The following CTNNAL1 variants were observed in gnomAD, a reference collection of about 807,000 sequenced individuals.
CTNNAL1 encodes alpha-catulin.
A neutral mutation model predicts 93.6 loss-of-function variants in CTNNAL1; 69 were observed. The ratio of observed to expected loss-of-function variants is 0.74; its 90% CI spans 0.61 to 0.90. CTNNAL1 has a LOEUF of 0.90. CTNNAL1 is among the 40% of genes least tolerant of loss of function. The probability of loss-of-function intolerance (pLI) is 0.00; values close to 1 mark genes in which losing one functional copy is unlikely to be tolerated. For synonymous variants in CTNNAL1, 286 were observed against 305.4 expected (o/e 0.94, Z 0.66); for missense variants, 836 against 862.0 (o/e 0.97, Z 0.38).
In CTNNAL1 at chr9:108,942,592, C is replaced by T. The variant is rs1830273082; in HGVS notation, c.*177G>A. On this transcript the variant is annotated 3_prime_UTR_variant, in exon 19 of 19. Coordinates refer to ENST00000325551, the MANE Select transcript of CTNNAL1 (RefSeq NM_003798.4). ...AATTAGAATCTAGCAATTACCAAGA[C>T]ATTTATTAGTTGTCAAAAAGCTTTA... The T allele has an allele frequency of 1.7e-6, 1 of 573,474 alleles. No homozygotes were observed. The highest frequency in any genetic ancestry group is 3.1e-6 in the Non-Finnish European group (1 of 326,108). 35.5% of individuals were successfully genotyped at this position (573,474 alleles called of 1,614,324 possible). A position where few individuals can be genotyped will look rare whatever the true frequency, so the allele number is the denominator to read the frequency against.
At chr9:108,971,315 A>G (rs140545535) in intron 9 of CTNNAL1, among the ~76,000 whole-genome samples, 98 of 152,320 alleles carry the variant, frequency 6.4e-4, no homozygotes, top group African/African-American at 2.2e-3. Flanking sequence ...TAGATGGTTC[A>G]TATCTGTGCA....
At chr9:108,945,164 C>A (rs531555254) in intron 15 of CTNNAL1, among the ~76,000 whole-genome samples, 1 of 152,304 alleles carries the variant, frequency 6.6e-6, no homozygotes, top group South Asian at 2.1e-4. Context: ...ATCCTGACAT[C>A]AGTCTTGTAC....
At chr9:108,951,257 C>T (rs1229116899) in intron 14 of CTNNAL1, among the ~76,000 whole-genome samples, 2 of 151,604 alleles carry the variant, frequency 1.3e-5, no homozygotes, top group African/African-American at 4.9e-5. Context: ...CCTCGTGATC[C>T]GCCCACCTCG....
rs570290660 is a variant in CTNNAL1 at position 108,958,469 on chromosome 9, T to C, written c.1592-2642A>G. On this transcript the variant is annotated intron_variant, in intron 11 of 18. Coordinates refer to ENST00000325551, the MANE Select transcript of CTNNAL1 (RefSeq NM_003798.4). ...CTCTGGTCCTCTTACAGATACTTTG[T>C]TTTGCTTCCTATTCCCATCCTTTAG... Among the ~76,000 whole-genome samples the C allele has an allele frequency of 5.9e-5, 9 of 152,332 alleles. No individual in the cohort carries two copies. In the East Asian group the frequency reaches 1.7e-3, roughly 29 times the overall value.
intron 1 of CTNNAL1, among the ~76,000 whole-genome samples, chr9:109,001,006 C>CA (rs72260036): frequency 0.11 from 13,887 of 126,914 alleles, 739 homozygotes; most frequent in Admixed American, 0.17. Flanking sequence ...ACTAAAAATA[C>CA]AAAAAAAAAA....
intron 3 of CTNNAL1, 72 bp downstream of exon 3, chr9:108,992,560 A>G (rs1288550540): frequency 1.3e-6 from 2 of 1,498,522 alleles, no homozygotes. Flanking sequence ...GCAATCCACC[A>G]CTAAGAGTCA....
chr9:108,944,055 T>C, intron 15 of CTNNAL1, 37 bp from the exon 16 acceptor site: 1 of 1,533,124 alleles, frequency 6.5e-7, no homozygotes, highest in Non-Finnish European at 8.9e-7. Flanking sequence ...TTTAGACTGA[T>C]GTCTATGGAT....
intron 2 of CTNNAL1, among the ~76,000 whole-genome samples, chr9:108,996,052 C>A (rs925982789): frequency 3.3e-5 from 5 of 151,882 alleles, no homozygotes; most frequent in African/African-American, 1.2e-4. Context: ...ACCTCAACCT[C>A]CTTGGGCTCA....
rs1831487605 is a variant in CTNNAL1 at position 108,983,137 on chromosome 9, A to C, written c.900+8T>G. On this transcript the variant is annotated splice_region_variant and intron_variant, in intron 6 of 18. Transcript: ENST00000325551. Reference sequence around the variant, plus strand: ...AGAAAAATAAAAATATACTCTCTTTATTCTTACCTTGAATTCCTTAATTCC... The same window carrying C: ...AGAAAAATAAAAATATACTCTCTTTCTTCTTACCTTGAATTCCTTAATTCC... 1 of 1,493,512 alleles carries C rather than the reference A, an allele frequency of 6.7e-7. No individual in the cohort carries two copies. Among genetic ancestry groups the C allele is most frequent in the South Asian group, 1.5e-5 (1 of 67,826 alleles). The allele number at this position is 1,493,512 out of a possible 1,614,324, so 92.5% of individuals were successfully genotyped here.
chr9:108,944,960 C>T (rs1052648088), intron 15 of CTNNAL1, among the ~76,000 whole-genome samples: 2 of 152,210 alleles, frequency 1.3e-5, no homozygotes, highest in African/African-American at 2.4e-5. Flanking sequence ...TAGACTCCAA[C>T]CAAATGAAAT....
chr9:109,002,338 T>C (rs1391763779), intron 1 of CTNNAL1, among the ~76,000 whole-genome samples: 2 of 152,194 alleles, frequency 1.3e-5, no homozygotes, highest in Non-Finnish European at 1.5e-5. Flanking sequence ...GCCCCAACTC[T>C]TAATACCATC....
intron 2 of CTNNAL1, 45 bp from the exon 3 acceptor site, chr9:108,992,864 T>C: frequency 6.4e-7 from 1 of 1,551,972 alleles, no homozygotes; most frequent in Non-Finnish European, 8.7e-7. Context: ...GCATACAAAT[T>C]AAAATCTAGA....
intron 4 of CTNNAL1, among the ~76,000 whole-genome samples, chr9:108,988,679 C>CGATGG (rs1831689460): frequency 6.6e-6 from 1 of 152,184 alleles, no homozygotes; most frequent in South Asian, 2.1e-4. Context: ...TTTGATCCAT[C>CGATGG]CATTGGCCTT....
At chr9:108,947,564 T>C (rs1297217070) in intron 15 of CTNNAL1, among the ~76,000 whole-genome samples, 1 of 152,158 alleles carries the variant, frequency 6.6e-6, no homozygotes, top group East Asian at 1.9e-4. Flanking sequence ...AGGGAAAACA[T>C]AAAAGGAATT....
In CTNNAL1 at chr9:108,952,401, C is replaced by G. The variant is rs936649855; in HGVS notation, c.1681-38G>C. On this transcript the variant is annotated intron_variant, in intron 13 of 18. Coordinates refer to ENST00000325551, the MANE Select transcript of CTNNAL1 (RefSeq NM_003798.4). ...CGTTTTAATCACAACGACTTTATCA[C>G]TATTCATGTTAAAGGAAGATTAGAT... 5 of 1,614,124 alleles carry G rather than the reference C, an allele frequency of 3.1e-6. No individual in the cohort carries two copies. In the African/African-American group the frequency reaches 6.7e-5, roughly 22 times the overall value.
At position 108,950,156 on chromosome 9, in the gene CTNNAL1, T is replaced by C. The variant is rs575218817; in HGVS notation, c.1836-1922A>G. ...TAGTCAAAAACATTTTTTAAAAGCA[T>C]GATTTTCATCACCATGGAAATAACT... On this transcript the variant is annotated intron_variant, in intron 14 of 18. Transcript: ENST00000325551. Among the ~76,000 whole-genome samples the C allele has an allele frequency of 3.3e-5, 5 of 152,296 alleles. No homozygotes were observed. In the East Asian group the frequency reaches 9.6e-4, roughly 29 times the overall value.
chr9:108,972,967 C>G, intron 8 of CTNNAL1, 134 bp from the exon 9 acceptor site: 1 of 1,110,270 alleles, frequency 9.0e-7, no homozygotes, highest in Non-Finnish European at 1.2e-6. Context: ...AAAGAGAAGC[C>G]GCAAAGCAGT....
rs193061131 is a variant in CTNNAL1 at position 108,962,756 on chromosome 9, T to C, written c.1591+2622A>G. On this transcript the variant is annotated intron_variant, in intron 11 of 18. Transcript: ENST00000325551. ...AAGGTAACAGTGGTCATGATGCTGATGCTGATAGAGGTAACACTTGTTGAG... is the reference window on the plus strand; with the variant it reads ...AAGGTAACAGTGGTCATGATGCTGACGCTGATAGAGGTAACACTTGTTGAG... Among the ~76,000 whole-genome samples, 578 of 152,364 alleles carry C rather than the reference T, an allele frequency of 3.8e-3. 19 individuals carry two copies. Among genetic ancestry groups the C allele is most frequent in the Admixed American group, 0.036 (551 of 15,308 alleles).
chr9:108,985,552 G>A (rs1429784262), intron 4 of CTNNAL1, among the ~76,000 whole-genome samples: 1 of 152,156 alleles, frequency 6.6e-6, no homozygotes, highest in African/African-American at 2.4e-5. Flanking sequence ...TCCCAATATA[G>A]ATTTAATAAA....
Sources: allele counts gnomAD v4.1 joint callset (sites outside exome capture counted in the v4.1 genomes callset), GRCh38; gene constraint gnomAD v4.1.1; transcripts MANE v1.5; gene names NCBI Gene and HGNC (gene_info 2026-07-23, HGNC 2026-07-21).